Variants in MEMO1 observed in about 807,000 individuals in gnomAD.
MEMO1 encodes the protein protein MEMO1.
Under a neutral mutation model 45.2 loss-of-function variants are expected in MEMO1, and 6 were observed. The ratio of observed to expected loss-of-function variants is 0.13; its 90% CI spans 0.07 to 0.26. The LOEUF (loss-of-function observed/expected upper bound fraction) is 0.26. Among genes scored for constraint, MEMO1 ranks in the 10% least tolerant of loss-of-function variants. The pLI, the probability that MEMO1 is intolerant of heterozygous loss-of-function variation, is 1.00. For missense variants in MEMO1, 184 were observed against 370.5 expected (o/e 0.50, Z 4.13); for synonymous variants, 78 against 124.3 (o/e 0.63, Z 2.48).
intron 2 of MEMO1, among the ~76,000 whole-genome samples, chr2:31,945,735 G>A (rs781093327): frequency 1.3e-5 from 2 of 152,162 alleles, no homozygotes; most frequent in African/African-American, 2.4e-5. Context: ...GCCTAACTTT[G>A]GCAGGCCATC....
chr2:31,919,129 T>C (rs981557640), intron 5 of MEMO1, among the ~76,000 whole-genome samples: 2 of 151,574 alleles, frequency 1.3e-5, no homozygotes, highest in Non-Finnish European at 2.9e-5. Flanking sequence ...TTTTTATATT[T>C]ATTTATTTAT....
At chr2:31,875,618 T>A (rs1317919033) in intron 8 of MEMO1, among the ~76,000 whole-genome samples, 1 of 152,078 alleles carries the variant, frequency 6.6e-6, no homozygotes, top group South Asian at 2.1e-4. Flanking sequence ...TCCACCAACA[T>A]CACCACAGTC....
intron 3 of MEMO1, among the ~76,000 whole-genome samples, chr2:31,934,989 A>T (rs1230277868): frequency 6.6e-6 from 1 of 152,242 alleles, no homozygotes; most frequent in African/African-American, 2.4e-5. Context: ...GATGAAAAGG[A>T]TAATGATAAT....
chr2:31,918,614 G>T (rs1681829737), intron 5 of MEMO1, among the ~76,000 whole-genome samples: 1 of 152,122 alleles, frequency 6.6e-6, no homozygotes, highest in Non-Finnish European at 1.5e-5. Context: ...AATTAAGCTT[G>T]TAGGATGGAT....
intron 2 of MEMO1, among the ~76,000 whole-genome samples, chr2:31,961,938 C>A (rs1668051579): frequency 6.6e-6 from 1 of 152,112 alleles, no homozygotes; most frequent in African/African-American, 2.4e-5. Flanking sequence ...TGGCTCTGAA[C>A]TCCCACTATA....
intron 7 of MEMO1, among the ~76,000 whole-genome samples, chr2:31,885,622 A>G (rs1676082075): frequency 6.6e-6 from 1 of 152,228 alleles, no homozygotes. Flanking sequence ...CACTCTCACT[A>G]TAAGAACAAT....
intron 6 of MEMO1, among the ~76,000 whole-genome samples, chr2:31,908,897 G>C (rs1373625441): frequency 6.6e-6 from 1 of 152,188 alleles, no homozygotes; most frequent in South Asian, 2.1e-4. Context: ...GAGAAAATCT[G>C]AGAAGAACTT....
At chr2:31,938,903 C>CA (rs1665272663) in intron 3 of MEMO1, among the ~76,000 whole-genome samples, 1 of 151,026 alleles carries the variant, frequency 6.6e-6, no homozygotes, top group Admixed American at 6.6e-5. Context: ...CCTCTCATCT[C>CA]AGCTTCTGGA....
intron 8 of MEMO1, among the ~76,000 whole-genome samples, chr2:31,877,493 C>A (rs905031642): frequency 6.6e-6 from 1 of 152,126 alleles, no homozygotes; most frequent in Non-Finnish European, 1.5e-5. Context: ...ACATTAATTC[C>A]ACTTCATATA....
intron 2 of MEMO1, among the ~76,000 whole-genome samples, chr2:31,983,729 C>T (rs1395490085): frequency 6.6e-6 from 1 of 152,176 alleles, no homozygotes; most frequent in Non-Finnish European, 1.5e-5. Flanking sequence ...CCACCGCGCC[C>T]GGCCCCAAAT....
In MEMO1 at chr2:31,990,342, T is replaced by C. The variant is rs72860994; in HGVS notation, c.61+19845A>G. Among the ~76,000 whole-genome samples, 441 of 152,342 alleles carry C rather than the reference T, an allele frequency of 2.9e-3. 4 individuals carry two copies. Among genetic ancestry groups the C allele is most frequent in the African/African-American group, 0.01 (417 of 41,594 alleles). On this transcript the variant is annotated intron_variant, in intron 2 of 9. Coordinates refer to ENST00000404530, the MANE Select transcript of MEMO1 (RefSeq NM_001301833.4). ...TGTTCCGAAAGATAGTTATTTTCAT[T>C]AAAAATGTCATTTATGTTAGCATGT...
At chr2:31,911,626 T>A (rs542343273) in intron 6 of MEMO1, among the ~76,000 whole-genome samples, 2 of 151,974 alleles carry the variant, frequency 1.3e-5, no homozygotes, top group Non-Finnish European at 2.9e-5. Flanking sequence ...TAGGTAGGAG[T>A]AGTATTTAAT....
At chr2:31,884,554 A>G (rs552124292) in intron 7 of MEMO1, among the ~76,000 whole-genome samples, 1 of 152,236 alleles carries the variant, frequency 6.6e-6, no homozygotes, top group Non-Finnish European at 1.5e-5. Context: ...TCATCTTACT[A>G]AAAAAATTAT....
chr2:31,983,582 G>A (rs1311523327), intron 2 of MEMO1, among the ~76,000 whole-genome samples: 1 of 152,062 alleles, frequency 6.6e-6, no homozygotes, highest in Non-Finnish European at 1.5e-5. Flanking sequence ...TTACAGGCAT[G>A]CACCACCATA....
chr2:31,992,011 C>T (rs1672008424), intron 2 of MEMO1, among the ~76,000 whole-genome samples: 1 of 152,184 alleles, frequency 6.6e-6, no homozygotes, highest in Non-Finnish European at 1.5e-5. Flanking sequence ...CCTTCGCTTG[C>T]ATCTCAGAGG....
At chr2:31,943,968 C>T (rs577550358) in intron 2 of MEMO1, among the ~76,000 whole-genome samples, 2 of 152,324 alleles carry the variant, frequency 1.3e-5, no homozygotes, top group South Asian at 4.1e-4. Context: ...TTAACTCCAA[C>T]AGACCCTACA....
chr2:31,921,382 T>A (rs140480254), intron 4 of MEMO1, among the ~76,000 whole-genome samples: 13 of 152,346 alleles, frequency 8.5e-5, no homozygotes, highest in African/African-American at 3.1e-4. Flanking sequence ...CACCTAATAA[T>A]GACTTGCTCC....
At chr2:31,949,693 A>ATAGC (rs1282771015) in intron 2 of MEMO1, among the ~76,000 whole-genome samples, 1 of 150,270 alleles carries the variant, frequency 6.7e-6, no homozygotes, top group Non-Finnish European at 1.5e-5. Context: ...CTACTGTTTG[A>ATAGC]TAGCACAATA....
intron 2 of MEMO1, among the ~76,000 whole-genome samples, chr2:32,009,757 C>A (rs1170506331): frequency 6.6e-6 from 1 of 152,160 alleles, no homozygotes; most frequent in African/African-American, 2.4e-5. Context: ...CGCTGCCCTG[C>A]GGCGTGGAGA....
Sources: allele counts gnomAD v4.1 joint callset (sites outside exome capture counted in the v4.1 genomes callset), GRCh38; gene constraint gnomAD v4.1.1; transcripts MANE v1.5; gene names NCBI Gene and HGNC (gene_info 2026-07-23, HGNC 2026-07-21).